Variants in CRTC3 observed in about 807,000 individuals in gnomAD.
CRTC3 encodes CREB-regulated transcription coactivator 3.
Under a neutral mutation model 74.5 loss-of-function variants are expected in CRTC3, and 26 were observed. The observed-to-expected ratio is 0.35, with a 90% CI of 0.26 to 0.48. The LOEUF is 0.48. Among genes scored for constraint, CRTC3 ranks in the 20% least tolerant of loss-of-function variants. CRTC3 has a pLI of 0.99. For missense variants in CRTC3, 760 were observed against 787.3 expected (o/e 0.97, Z 0.41); for synonymous variants, 377 against 325.8 (o/e 1.16, Z -1.69).
Position 90,642,033 on chromosome 15 carries a change from C to T in CRTC3, c.1753C>T (p.Leu585=). 1 of 1,613,922 alleles carries T rather than the reference C, an allele frequency of 6.2e-7. No homozygotes were observed. The change falls in exon 15 of 15, where the codon CTG becomes TTG. Residue 585 remains leucine (L), a synonymous_variant. Transcript: ENST00000268184. ...CACTCCATTTCCACTGGAAGAGGAG[C>T]TGCAGATTGAACCCCTGAGCCTGGA... ...VDTPFPLEEE[L]QIEPLSLDGL...
chr15:90,547,969 A>G (rs1383923122), intron 2 of CRTC3, among the ~76,000 whole-genome samples: 3 of 147,146 alleles, frequency 2.0e-5, no homozygotes, highest in Non-Finnish European at 3.0e-5. Context: ...GCTCACTGCA[A>G]CCTCCACCTC....
chr15:90,535,664 A>G (rs1439555302), intron 1 of CRTC3, among the ~76,000 whole-genome samples: 2 of 30,114 alleles, frequency 6.6e-5, no homozygotes, highest in African/African-American at 1.5e-4. Context: ...AAAATAAACC[A>G]ATGATAAGAC....
intron 7 of CRTC3, among the ~76,000 whole-genome samples, chr15:90,615,554 C>G (rs2151086998): frequency 6.6e-6 from 1 of 152,314 alleles, no homozygotes; most frequent in African/African-American, 2.4e-5. Context: ...AAAGGTAAAA[C>G]ATCAATAAAC....
chr15:90,557,346 C>T (rs1193330389), intron 2 of CRTC3, among the ~76,000 whole-genome samples: 5 of 152,112 alleles, frequency 3.3e-5, no homozygotes, highest in East Asian at 3.9e-4. Flanking sequence ...GTTGCTTTCT[C>T]GCCCTTTGCT....
At chr15:90,569,950 T>C (rs1279777174) in intron 2 of CRTC3, among the ~76,000 whole-genome samples, 1 of 152,214 alleles carries the variant, frequency 6.6e-6, no homozygotes, top group African/African-American at 2.4e-5. Flanking sequence ...TTATTTATTA[T>C]AGTGAGTAAT....
At chr15:90,616,885 C>G (rs193014667) in intron 7 of CRTC3, among the ~76,000 whole-genome samples, 30 of 152,296 alleles carry the variant, frequency 2.0e-4, no homozygotes, top group Admixed American at 3.3e-4. Context: ...TCTTTGTCCC[C>G]CATTTCCATC....
In CRTC3 at chr15:90,638,823, A is replaced by G. The variant is rs1158172218; in HGVS notation, c.1548+8A>G. 2.5e-6 allele frequency: 4 copies of G among 1,611,456 alleles called. No homozygotes were observed. The East Asian group carries it at 8.9e-5, about 36-fold the overall frequency. Reference sequence around the variant, plus strand: ...CCTGCCTTTCCTCAACAGGTGGGTGATCGCCCCTGCCTTCTCCTCCCTTGG... The same window carrying G: ...CCTGCCTTTCCTCAACAGGTGGGTGGTCGCCCCTGCCTTCTCCTCCCTTGG... On this transcript the variant is annotated splice_region_variant and intron_variant, in intron 13 of 14. Coordinates refer to ENST00000268184, the MANE Select transcript of CRTC3 (RefSeq NM_022769.5).
rs570900846 is a variant in CRTC3, at chr15:90,558,682, C to T, written c.231+18545C>T. 5.9e-5 allele frequency among the ~76,000 whole-genome samples: 9 copies of T among 152,070 alleles called. 1 individual carries two copies. Among genetic ancestry groups the T allele is most frequent in the African/African-American group, 1.4e-4 (6 of 41,488 alleles). ...TCTCTAAAATCTAAATTCCCTCCAC[C>T]GTCTTTCCTGCTTGATTTTTCTCCT... On this transcript the variant is annotated intron_variant, in intron 2 of 14. Transcript: ENST00000268184.
chr15:90,552,197 A>G (rs1966860537), intron 2 of CRTC3, among the ~76,000 whole-genome samples: 1 of 152,242 alleles, frequency 6.6e-6, no homozygotes. Flanking sequence ...CACAGAAGTC[A>G]GCAGCCCAGT....
At chr15:90,627,982 C>T (rs1190377427) in intron 10 of CRTC3, among the ~76,000 whole-genome samples, 5 of 148,906 alleles carry the variant, frequency 3.4e-5, no homozygotes, top group Admixed American at 3.3e-4. Context: ...CTTTGGGAGG[C>T]CGAGGCGAGT....
intron 3 of CRTC3, chr15:90,598,233 G>C (rs900815347): frequency 1.7e-6 from 1 of 576,210 alleles, no homozygotes; most frequent in South Asian, 2.1e-5. Flanking sequence ...GCACAGGGAC[G>C]GGAAGCCAAG....
At chr15:90,553,352 C>T (rs565603626) in intron 2 of CRTC3, among the ~76,000 whole-genome samples, 17 of 152,294 alleles carry the variant, frequency 1.1e-4, no homozygotes, top group African/African-American at 3.6e-4. Flanking sequence ...GTGAGAAGCA[C>T]AGAGAGTTAG....
intron 2 of CRTC3, among the ~76,000 whole-genome samples, chr15:90,555,766 C>G (rs1966883064): frequency 1.3e-5 from 2 of 152,188 alleles, no homozygotes; most frequent in South Asian, 2.1e-4. Flanking sequence ...ATCTGCCTGC[C>G]TTGGCCTCCC....
At chr15:90,533,852 A>T (rs1411880352) in intron 1 of CRTC3, among the ~76,000 whole-genome samples, 2 of 151,832 alleles carry the variant, frequency 1.3e-5, no homozygotes, top group African/African-American at 4.8e-5. Context: ...GCTCAGGGGG[A>T]GTGGGGGAGG....
chr15:90,636,216 C>A (rs1443532453), intron 11 of CRTC3, among the ~76,000 whole-genome samples: 2 of 151,736 alleles, frequency 1.3e-5, no homozygotes, highest in African/African-American at 4.8e-5. Flanking sequence ...GAGATATAGA[C>A]CAATGGAACA....
At chr15:90,625,675 A>G (rs1968807664) in intron 9 of CRTC3, 101 bp from the exon 10 acceptor site, 2 of 1,053,980 alleles carry the variant, frequency 1.9e-6, no homozygotes, top group Non-Finnish European at 2.9e-6. Flanking sequence ...GGTCTTTTGT[A>G]GCCACTGCTC....
intron 6 of CRTC3, among the ~76,000 whole-genome samples, chr15:90,611,511 A>G (rs1293462864): frequency 6.6e-6 from 1 of 152,052 alleles, no homozygotes; most frequent in Non-Finnish European, 1.5e-5. Context: ...TTTTTAATTT[A>G]GCAGTAAAAA....
intron 3 of CRTC3, chr15:90,594,346 C>T (rs1465188848): frequency 6.6e-6 from 1 of 152,300 alleles, no homozygotes; most frequent in Non-Finnish European, 1.5e-5. Context: ...CTGACAGTTT[C>T]ATTTAATCAG....
intron 11 of CRTC3, among the ~76,000 whole-genome samples, chr15:90,636,741 A>C (rs1032237743): frequency 1.3e-5 from 2 of 152,376 alleles, no homozygotes; most frequent in East Asian, 3.8e-4. Context: ...AAAGTGGGCG[A>C]AGGATATGAA....
Sources: gnomAD v4.1 joint callset for allele counts (sites outside exome capture counted in the v4.1 genomes callset) on GRCh38, gnomAD v4.1.1 for gene constraint, MANE v1.5 for transcripts, NCBI Gene and HGNC (gene_info 2026-07-23, HGNC 2026-07-21) for gene names.